The following SENP6 variants were observed in gnomAD, a reference collection of about 807,000 sequenced individuals.
SENP6 encodes SUMO specific peptidase 6.
In SENP6, 41 loss-of-function variants were observed where a neutral mutation model predicts 134.5. The observed-to-expected ratio is 0.30, with a 90% CI of 0.24 to 0.40. The LOEUF is 0.40. Among genes scored for constraint, SENP6 ranks in the 10% least tolerant of loss-of-function variants. The pLI, the probability that SENP6 is intolerant of heterozygous loss-of-function variation, is 1.00. For missense variants in SENP6, 1,248 were observed against 1,312.5 expected, an observed-to-expected ratio of 0.95 and a Z score of 0.76; for synonymous variants, 395 against 429.8, an observed-to-expected ratio of 0.92 and a Z score of 1.00.
chr6:75,640,004 A>C (rs982426494), intron 5 of SENP6, among the ~76,000 whole-genome samples: 1 of 152,214 alleles, frequency 6.6e-6, no homozygotes, highest in Non-Finnish European at 1.5e-5. Flanking sequence ...ATTAGTAGAT[A>C]CTGAAGTTGT....
chr6:75,702,959 C>G lies in SENP6; in HGVS notation c.2603C>G (p.Ala868Gly). The G allele has an allele frequency of 6.2e-7, 1 of 1,613,572 alleles. No homozygotes were observed. Among genetic ancestry groups the G allele is most frequent in the African/African-American group, 1.3e-5 (1 of 74,962 alleles). The stretch of plus-strand genomic sequence containing the variant: ...AGTGTGAAAAAAATAAATCATACTG[C>G]GAGTGAAAATGAAGAATTCAATAAA... The part of the protein sequence containing the change: ...KYSVKKINHT[A>G]SENEEFNKGE... Residue 868 changes from alanine to glycine, a missense_variant, in exon 19 of 24, where the codon GCG becomes GGG. By Grantham distance (60) the Ala-to-Gly change is moderately conservative. Transcript: ENST00000447266.
chr6:75,662,527 A>T (rs578200238), intron 8 of SENP6, among the ~76,000 whole-genome samples: 11 of 152,236 alleles, frequency 7.2e-5, no homozygotes, highest in Non-Finnish European at 1.2e-4. Context: ...ACAGAGCAGT[A>T]TTGAGATTCT....
At chr6:75,703,149 T>C (rs1775157395) in intron 19 of SENP6, 77 bp downstream of exon 19, 10 of 1,240,262 alleles carry the variant, frequency 8.1e-6, no homozygotes, top group Non-Finnish European at 1.0e-5. Context: ...ATTAAGATCC[T>C]GTTTTAAAAA....
chr6:75,649,880 AC>A (rs1300952770), intron 7 of SENP6, among the ~76,000 whole-genome samples: 1 of 152,198 alleles, frequency 6.6e-6, no homozygotes, highest in Non-Finnish European at 1.5e-5. Flanking sequence ...ACAGAGACAT[AC>A]GTTTATTTTT....
At chr6:75,627,776 A>G (rs1293983941) in intron 3 of SENP6, among the ~76,000 whole-genome samples, 2 of 152,084 alleles carry the variant, frequency 1.3e-5, no homozygotes, top group African/African-American at 2.4e-5. Context: ...CCTGGGTTCA[A>G]GGGATTCTCC....
At chr6:75,634,028 G>A (rs1397159055) in intron 4 of SENP6, among the ~76,000 whole-genome samples, 2 of 152,178 alleles carry the variant, frequency 1.3e-5, no homozygotes, top group Non-Finnish European at 2.9e-5. Flanking sequence ...GCACAATAGA[G>A]TGGTGTGGTC....
rs756078649 is a variant in SENP6, at chr6:75,717,999, A to T, written c.*2405A>T. 1.3e-5 allele frequency: 2 copies of T among 152,198 alleles called. No homozygotes were observed. Among genetic ancestry groups the T allele is most frequent in the Non-Finnish European group, 2.9e-5 (2 of 68,008 alleles). 9.4% of individuals were successfully genotyped at this position (152,198 alleles called of 1,614,324 possible). A position where few individuals can be genotyped will look rare whatever the true frequency, so the allele number is the denominator to read the frequency against. Reference sequence around the variant, plus strand: ...CTTAATGGTATTATTTCAAGTTCACATAACCCTAAAAAAGGTTTTCTTTGT... The same window carrying T: ...CTTAATGGTATTATTTCAAGTTCACTTAACCCTAAAAAAGGTTTTCTTTGT... On this transcript the variant is annotated 3_prime_UTR_variant, in exon 24 of 24. Coordinates refer to ENST00000447266, the MANE Select transcript of SENP6 (RefSeq NM_015571.4).
intron 10 of SENP6, among the ~76,000 whole-genome samples, chr6:75,669,938 A>AT (rs59309658): frequency 2.7e-5 from 4 of 150,058 alleles, no homozygotes; most frequent in East Asian, 2.0e-4. Flanking sequence ...ACAAGATCAG[A>AT]TTTTTTTTTT....
At position 75,715,626 on chromosome 6, in the gene SENP6, GAA is replaced by G; in HGVS notation, c.*34_*35del. The G allele has an allele frequency of 6.5e-7, 1 of 1,537,490 alleles. No individual in the cohort carries two copies. The highest frequency in any genetic ancestry group is 8.9e-7 in the Non-Finnish European group (1 of 1,120,384). ...CTGTTACTTGTCATTTCTACTTTCA[GAA>G]ACTAAATGACTTTCAAATTTGGGTA... On this transcript the variant is annotated 3_prime_UTR_variant, in exon 24 of 24. Transcript: ENST00000447266.
intron 18 of SENP6, among the ~76,000 whole-genome samples, chr6:75,699,768 G>A (rs1294988812): frequency 6.6e-6 from 1 of 152,128 alleles, no homozygotes; most frequent in East Asian, 1.9e-4. Context: ...GGGATTACAG[G>A]CATGTGCCAC....
At chr6:75,711,756 T>G (rs1775759184) in intron 21 of SENP6, among the ~76,000 whole-genome samples, 1 of 152,154 alleles carries the variant, frequency 6.6e-6, no homozygotes. Context: ...CACCACAACC[T>G]CCACCTCCCA....
intron 7 of SENP6, among the ~76,000 whole-genome samples, chr6:75,653,354 A>G (rs190201627): frequency 4.9e-4 from 74 of 152,278 alleles, no homozygotes; most frequent in Non-Finnish European, 6.0e-4. Flanking sequence ...ATGTTGTCAA[A>G]TAGTACATTG....
chr6:75,641,345 T>C lies in SENP6; in HGVS notation c.479+641T>C, dbSNP rs139829525. Among the ~76,000 whole-genome samples, 1,431 of 152,318 alleles carry C rather than the reference T, an allele frequency of 9.4e-3. 12 individuals carry two copies. Among genetic ancestry groups the C allele is most frequent in the African/African-American group, 0.026 (1,097 of 41,568 alleles). Reference sequence around the variant, plus strand: ...AGTAAAATTGCTTTCAGTTACATCATCAAAATCTTTATCATTATATTTTAG... The same window carrying C: ...AGTAAAATTGCTTTCAGTTACATCACCAAAATCTTTATCATTATATTTTAG... On this transcript the variant is annotated intron_variant, in intron 6 of 23. Coordinates refer to ENST00000447266, the MANE Select transcript of SENP6 (RefSeq NM_015571.4).
At chr6:75,668,286 T>C (rs1359042556) in intron 10 of SENP6, among the ~76,000 whole-genome samples, 1 of 152,098 alleles carries the variant, frequency 6.6e-6, no homozygotes, top group Non-Finnish European at 1.5e-5. Flanking sequence ...GCAAAAGTAG[T>C]AAATGAAAAG....
At chr6:75,682,729 A>G (rs1167558451) in intron 16 of SENP6, among the ~76,000 whole-genome samples, 1 of 152,218 alleles carries the variant, frequency 6.6e-6, no homozygotes, top group Non-Finnish European at 1.5e-5. Context: ...TGCAAAGGAC[A>G]TGAACTCATC....
chr6:75,647,581 T>C, intron 6 of SENP6, 150 bp from the exon 7 acceptor site: 1 of 433,486 alleles, frequency 2.3e-6, no homozygotes, highest in Non-Finnish European at 4.2e-6. Context: ...CATTTATTGG[T>C]ATAGTTTTGT....
chr6:75,670,489 T>G, intron 10 of SENP6, 64 bp from the exon 11 acceptor site: 1 of 1,242,388 alleles, frequency 8.0e-7, no homozygotes, highest in Non-Finnish European at 1.1e-6. Context: ...TTGCATATGT[T>G]TATACTTAGC....
At chr6:75,664,731 G>A (rs897111242) in intron 9 of SENP6, among the ~76,000 whole-genome samples, 1 of 152,160 alleles carries the variant, frequency 6.6e-6, no homozygotes, top group Non-Finnish European at 1.5e-5. Context: ...ACTTCTCTGG[G>A]ACATGTACAT....
chr6:75,626,912 T>G (rs1021233406), intron 3 of SENP6, among the ~76,000 whole-genome samples: 4 of 149,388 alleles, frequency 2.7e-5, no homozygotes, highest in Non-Finnish European at 4.4e-5. Flanking sequence ...TCTTTCTGGG[T>G]TTTTTTTTCC....
Sources: gnomAD v4.1 joint callset for allele counts (sites outside exome capture counted in the v4.1 genomes callset) on GRCh38, gnomAD v4.1.1 for gene constraint, MANE v1.5 for transcripts, NCBI Gene and HGNC (gene_info 2026-07-23, HGNC 2026-07-21) for gene names.